The following GNA13 variants were observed in gnomAD, a reference collection of about 807,000 sequenced individuals.
GNA13 encodes G protein subunit alpha 13.
In GNA13, 4 loss-of-function variants were observed where a neutral mutation model predicts 33.5. The ratio of observed to expected loss-of-function variants is 0.12; its 90% CI spans 0.06 to 0.27. The LOEUF is 0.27. Ranked by LOEUF, GNA13 falls within the 10% of genes least tolerant of loss-of-function variation. GNA13 has a pLI of 1.00. For synonymous variants in GNA13, 176 were observed against 183.8 expected, an observed-to-expected ratio of 0.96 and a Z score of 0.34; for missense variants, 319 against 487.2, an observed-to-expected ratio of 0.65 and a Z score of 3.25.
intron 2 of GNA13, among the ~76,000 whole-genome samples, chr17:65,043,996 C>A (rs1405298757): frequency 6.6e-6 from 1 of 152,102 alleles, no homozygotes; most frequent in Non-Finnish European, 1.5e-5. Context: ...GTAGTATGAG[C>A]CAGTAATCTC....
chr17:65,040,272 TTCTAG>T (rs1907406313), intron 2 of GNA13, among the ~76,000 whole-genome samples: 1 of 152,238 alleles, frequency 6.6e-6, no homozygotes, highest in African/African-American at 2.4e-5. Flanking sequence ...ATTCTCCTTG[TTCTAG>T]TCTAGAGTTG....
At chr17:65,053,950 A>C (rs919551085) in intron 1 of GNA13, among the ~76,000 whole-genome samples, 2 of 152,228 alleles carry the variant, frequency 1.3e-5, no homozygotes, top group Non-Finnish European at 2.9e-5. Context: ...AAATACTATT[A>C]GCACAATTCC....
intron 2 of GNA13, among the ~76,000 whole-genome samples, chr17:65,040,046 A>C (rs1907398087): frequency 1.3e-5 from 2 of 152,224 alleles, no homozygotes; most frequent in Non-Finnish European, 2.9e-5. Flanking sequence ...TATTCTTACC[A>C]GAAAAAGTAT....
At position 65,014,070 on chromosome 17, in the gene GNA13, C is replaced by T. The variant is rs764527920; in HGVS notation, c.*187G>A. ...AAGCCTGCATTACAGCAAATCTTGG[C>T]GATGAGTCACTCAACAGCTTTCAGC... On this transcript the variant is annotated 3_prime_UTR_variant, in exon 4 of 4. Transcript: ENST00000439174. The surrounding 1 kb of genome is among the most constrained non-coding windows in gnomAD (Gnocchi z 5.3). 13 of 558,026 alleles carry T rather than the reference C, an allele frequency of 2.3e-5. No homozygotes were observed. The highest frequency in any genetic ancestry group is 1.6e-4 in the Admixed American group (5 of 31,708). 34.6% of individuals were successfully genotyped at this position (558,026 alleles called of 1,614,324 possible). A position where few individuals can be genotyped will look rare whatever the true frequency, so the allele number is the denominator to read the frequency against.
chr17:65,023,822 A>T (rs947480316), intron 2 of GNA13, among the ~76,000 whole-genome samples: 2 of 152,266 alleles, frequency 1.3e-5, no homozygotes, highest in African/African-American at 4.8e-5. Flanking sequence ...AATCCATTTA[A>T]CTACGCAAAT....
chr17:65,028,793 C>T (rs971285716), intron 2 of GNA13, among the ~76,000 whole-genome samples: 1 of 152,114 alleles, frequency 6.6e-6, no homozygotes, highest in African/African-American at 2.4e-5. Context: ...TCCACACCAC[C>T]TTCTTCTTCC....
Position 65,010,082 on chromosome 17 carries a change from T to C in GNA13, c.*4175A>G, listed in dbSNP as rs1409997707. On this transcript the variant is annotated 3_prime_UTR_variant, in exon 4 of 4. Coordinates refer to ENST00000439174, the MANE Select transcript of GNA13 (RefSeq NM_006572.6). ...CAAGACATAAAATATTGCCATATCATTCATGCTTTCAAAACAATGTTCATA... is the reference window on the plus strand; with the variant it reads ...CAAGACATAAAATATTGCCATATCACTCATGCTTTCAAAACAATGTTCATA... 6.6e-6 allele frequency among the ~76,000 whole-genome samples: 1 copy of C among 152,220 alleles called. No individual in the cohort carries two copies. The highest frequency in any genetic ancestry group is 1.5e-5 in the Non-Finnish European group (1 of 68,036).
intron 1 of GNA13, chr17:65,055,918 C>CG: frequency 5.0e-6 from 1 of 200,718 alleles, no homozygotes; most frequent in Admixed American, 6.4e-5. Flanking sequence ...GGGGGTGAAG[C>CG]GGCTAGGGCT....
intron 2 of GNA13, among the ~76,000 whole-genome samples, chr17:65,050,699 C>T (rs1159406099): frequency 2.0e-5 from 3 of 152,068 alleles, no homozygotes; most frequent in Non-Finnish European, 2.9e-5. Context: ...ACAGGGCACT[C>T]CAGCCTGGGC....
chr17:65,029,646 TTTA>T (rs1906930325), intron 2 of GNA13, among the ~76,000 whole-genome samples: 1 of 152,202 alleles, frequency 6.6e-6, no homozygotes, highest in South Asian at 2.1e-4. Context: ...ATGGCACTTC[TTTA>T]TTTTTATATG....
intron 2 of GNA13, among the ~76,000 whole-genome samples, chr17:65,044,491 T>G (rs1298195015): frequency 6.6e-6 from 1 of 152,044 alleles, no homozygotes; most frequent in East Asian, 1.9e-4. Context: ...TTAGGTCACT[T>G]TTAACTGGAA....
intron 3 of GNA13, among the ~76,000 whole-genome samples, chr17:65,016,042 T>G (rs1454893530): frequency 6.6e-6 from 1 of 152,168 alleles, no homozygotes; most frequent in Non-Finnish European, 1.5e-5. Context: ...TCTAAGACCC[T>G]GAACAAACAG....
intron 2 of GNA13, among the ~76,000 whole-genome samples, chr17:65,031,203 T>C (rs1906994039): frequency 6.6e-6 from 1 of 152,234 alleles, no homozygotes; most frequent in African/African-American, 2.4e-5. Flanking sequence ...GTTACTGTAC[T>C]GAATAGGGTA....
At chr17:65,027,941 A>G (rs556725627) in intron 2 of GNA13, among the ~76,000 whole-genome samples, 2 of 152,240 alleles carry the variant, frequency 1.3e-5, no homozygotes, top group East Asian at 3.9e-4. Flanking sequence ...CCCATCTACT[A>G]AAAGTACAAA....
intron 2 of GNA13, among the ~76,000 whole-genome samples, chr17:65,044,611 G>C (rs1249688582): frequency 1.3e-5 from 2 of 151,088 alleles, no homozygotes; most frequent in Non-Finnish European, 2.9e-5. Flanking sequence ...GACCAGCCTG[G>C]GCAACCCAGC....
chr17:65,049,126 T>C (rs1907772277), intron 2 of GNA13, among the ~76,000 whole-genome samples: 1 of 152,212 alleles, frequency 6.6e-6, no homozygotes, highest in African/African-American at 2.4e-5. Flanking sequence ...TTTTATTTTT[T>C]TGAGACAGGG....
intron 2 of GNA13, among the ~76,000 whole-genome samples, chr17:65,034,948 G>A (rs1350090905): frequency 6.6e-6 from 1 of 152,070 alleles, no homozygotes; most frequent in African/African-American, 2.4e-5. Flanking sequence ...ACCACGCCTG[G>A]CTAATTTTGT....
chr17:65,019,384 A>G (rs976011163), intron 2 of GNA13, among the ~76,000 whole-genome samples: 6 of 152,128 alleles, frequency 3.9e-5, no homozygotes, highest in African/African-American at 1.4e-4. Flanking sequence ...TTACTGCTGC[A>G]CTCTTCACAA....
At chr17:65,016,464 C>T (rs995142977) in intron 3 of GNA13, among the ~76,000 whole-genome samples, 3 of 152,138 alleles carry the variant, frequency 2.0e-5, no homozygotes. Context: ...CAGGTTCAAG[C>T]GATTCTGCTC....
Sources: gnomAD v4.1 joint callset for allele counts (sites outside exome capture counted in the v4.1 genomes callset) on GRCh38, gnomAD v4.1.1 for gene constraint, Gnocchi (gnomAD v3.1) non-coding constraint, MANE v1.5 for transcripts, NCBI Gene and HGNC (gene_info 2026-07-23, HGNC 2026-07-21) for gene names.